BMP5: variants seen among roughly 807,000 people sequenced by gnomAD.
BMP5 encodes bone morphogenetic protein 5.
Under a neutral mutation model 46.6 loss-of-function variants are expected in BMP5, and 23 were observed. The ratio of observed to expected loss-of-function variants is 0.49; its 90% CI spans 0.35 to 0.70. The LOEUF is 0.70. Ranked by LOEUF, BMP5 falls within the 30% of genes least tolerant of loss-of-function variation. The pLI is 0.00. For synonymous variants in BMP5, 204 were observed against 191.9 expected, an observed-to-expected ratio of 1.06 and a Z score of -0.52; for missense variants, 545 against 565.6, an observed-to-expected ratio of 0.96 and a Z score of 0.37.
chr6:55,858,764 G>T (rs1028041312), intron 1 of BMP5, among the ~76,000 whole-genome samples: 1 of 152,158 alleles, frequency 6.6e-6, no homozygotes, highest in African/African-American at 2.4e-5. Context: ...ACTGGATAAA[G>T]AAAATGTGGC....
chr6:55,865,003 A>C, intron 1 of BMP5, among the ~76,000 whole-genome samples: 1 of 152,170 alleles, frequency 6.6e-6, no homozygotes, highest in East Asian at 1.9e-4. Flanking sequence ...TTTAAGTAGT[A>C]ATGAGAATAG....
At chr6:55,813,631 C>CA (rs1245992932) in intron 2 of BMP5, among the ~76,000 whole-genome samples, 5 of 151,636 alleles carry the variant, frequency 3.3e-5, no homozygotes, top group East Asian at 3.9e-4. Flanking sequence ...ACTAAAAATA[C>CA]AAAAAATTAG....
intron 4 of BMP5, among the ~76,000 whole-genome samples, chr6:55,764,719 TAA>T (rs530066820): frequency 6.4e-4 from 80 of 124,788 alleles, no homozygotes; most frequent in Admixed American, 5.6e-4. Context: ...ATGTGTAAGC[TAA>T]AAAAAAAAAA....
intron 1 of BMP5, among the ~76,000 whole-genome samples, chr6:55,855,567 AC>A (rs1356694930): frequency 3.3e-5 from 5 of 152,042 alleles, no homozygotes; most frequent in African/African-American, 1.2e-4. Flanking sequence ...CAAATTAACA[AC>A]CCTTAGACGA....
At chr6:55,781,607 A>ATT (rs1172320071) in intron 3 of BMP5, among the ~76,000 whole-genome samples, 14 of 140,242 alleles carry the variant, frequency 1.0e-4, no homozygotes, top group Non-Finnish European at 7.8e-5. Context: ...ATTATTCCAA[A>ATT]TTTTTTTTTT....
intron 3 of BMP5, among the ~76,000 whole-genome samples, chr6:55,789,440 G>T (rs1371565384): frequency 2.2e-4 from 33 of 151,838 alleles, no homozygotes; most frequent in Non-Finnish European, 1.5e-5. Flanking sequence ...TATAGTGTTT[G>T]GGGGGAAAAC....
chr6:55,772,387 G>A (rs916981485), intron 4 of BMP5, among the ~76,000 whole-genome samples: 2 of 151,838 alleles, frequency 1.3e-5, no homozygotes, highest in African/African-American at 4.8e-5. Flanking sequence ...CAAATAATAA[G>A]TATGTGACTT....
At position 55,858,407 on chromosome 6, in the gene BMP5, G is replaced by GA. The variant is rs202129623; in HGVS notation, c.490+15968dup. Among the ~76,000 whole-genome samples the GA allele has an allele frequency of 3.5e-3, 529 of 151,084 alleles. 5 individuals are homozygous for GA. Among genetic ancestry groups the GA allele is most frequent in the African/African-American group, 0.012 (508 of 41,234 alleles). On this transcript the variant is annotated intron_variant, in intron 1 of 6. Coordinates refer to ENST00000370830, the MANE Select transcript of BMP5 (RefSeq NM_021073.4). ...TGAAAAGAGATCAAAGCAAACAACA[G>GA]AAAAAAAAGTAAATAATTATTAACA...
chr6:55,760,211 T>C (rs1056268646), intron 5 of BMP5, among the ~76,000 whole-genome samples: 12 of 152,126 alleles, frequency 7.9e-5, no homozygotes, highest in Non-Finnish European at 1.6e-4. Context: ...TTTTTCTTCC[T>C]AAATATCTTA....
chr6:55,842,539 C>T (rs1776987155), intron 1 of BMP5, among the ~76,000 whole-genome samples: 1 of 152,024 alleles, frequency 6.6e-6, no homozygotes, highest in Non-Finnish European at 1.5e-5. Context: ...CTAGAAAATT[C>T]GAACTGCCTC....
chr6:55,868,577 A>AT (rs1777704493), intron 1 of BMP5, among the ~76,000 whole-genome samples: 2 of 30,778 alleles, frequency 6.5e-5, no homozygotes, highest in Admixed American at 4.1e-4. Flanking sequence ...TACAAATAGT[A>AT]TTTTTTTCTC....
chr6:55,803,597 T>A (rs1295869002), intron 2 of BMP5, among the ~76,000 whole-genome samples: 1 of 152,186 alleles, frequency 6.6e-6, no homozygotes, highest in East Asian at 1.9e-4. Context: ...TTGTCACTGA[T>A]CTGCTAGCTC....
At chr6:55,849,191 G>T (rs1035549810) in intron 1 of BMP5, among the ~76,000 whole-genome samples, 1 of 152,000 alleles carries the variant, frequency 6.6e-6, no homozygotes, top group Non-Finnish European at 1.5e-5. Context: ...GGCTATAGGA[G>T]TGAAGAAAAG....
chr6:55,782,082 A>T (rs182596866), intron 3 of BMP5, among the ~76,000 whole-genome samples: 1 of 152,234 alleles, frequency 6.6e-6, no homozygotes, highest in East Asian at 1.9e-4. Flanking sequence ...ATACTGAGAT[A>T]CCTAATGTAA....
intron 1 of BMP5, among the ~76,000 whole-genome samples, chr6:55,820,423 A>C (rs975464451): frequency 6.7e-6 from 1 of 150,276 alleles, no homozygotes; most frequent in Non-Finnish European, 1.5e-5. Context: ...TCTTAAAAAC[A>C]TTTTTTTTTT....
intron 3 of BMP5, among the ~76,000 whole-genome samples, chr6:55,777,183 T>C (rs992057689): frequency 1.3e-5 from 2 of 151,928 alleles, no homozygotes; most frequent in African/African-American, 4.8e-5. Context: ...TACACTTATA[T>C]TGATTATGTT....
intron 1 of BMP5, among the ~76,000 whole-genome samples, chr6:55,859,120 C>G (rs980911168): frequency 6.6e-6 from 1 of 151,946 alleles, no homozygotes; most frequent in Non-Finnish European, 1.5e-5. Flanking sequence ...TATCCCACAA[C>G]TTAAAGTAAA....
At chr6:55,778,905 T>A (rs776328871) in intron 3 of BMP5, among the ~76,000 whole-genome samples, 30 of 151,994 alleles carry the variant, frequency 2.0e-4, no homozygotes, top group Non-Finnish European at 4.3e-4. Flanking sequence ...AGTACTGAGG[T>A]TAGTGTATTG....
intron 3 of BMP5, among the ~76,000 whole-genome samples, chr6:55,779,862 T>G (rs570725140): frequency 6.7e-6 from 1 of 149,398 alleles, no homozygotes; most frequent in Non-Finnish European, 1.5e-5. Flanking sequence ...TTTCAAATGG[T>G]TTACATTGCT....
Sources: allele counts gnomAD v4.1 joint callset (sites outside exome capture counted in the v4.1 genomes callset), GRCh38; gene constraint gnomAD v4.1.1; transcripts MANE v1.5; gene names NCBI Gene and HGNC (gene_info 2026-07-23, HGNC 2026-07-21).